The following FCSK variants were observed in gnomAD, a reference collection of about 807,000 sequenced individuals.
FCSK encodes the protein L-fucose kinase.
FCSK carries 123 observed loss-of-function variants against 122.5 expected under a neutral mutation model. That is an observed-to-expected ratio of 1.00 (90% CI 0.87 to 1.17). FCSK has a LOEUF of 1.17. Ranked by LOEUF, FCSK falls within the 50% of genes most tolerant of loss-of-function variation. The pLI, the probability that FCSK is intolerant of heterozygous loss-of-function variation, is 0.00. For missense variants in FCSK, 1,366 were observed against 1,450.4 expected, an observed-to-expected ratio of 0.94 and a Z score of 0.95; for synonymous variants, 620 against 625.5, an observed-to-expected ratio of 0.99 and a Z score of 0.13.
chr16:70,470,632 G>T (rs906966778), intron 11 of FCSK, among the ~76,000 whole-genome samples: 4 of 152,338 alleles, frequency 2.6e-5, no homozygotes, highest in African/African-American at 9.6e-5. Flanking sequence ...TCAGGATTCT[G>T]CATTGAGCTT....
intron 8 of FCSK, among the ~76,000 whole-genome samples, chr16:70,468,628 T>G (rs1348629224): frequency 1.3e-5 from 2 of 150,930 alleles, no homozygotes; most frequent in East Asian, 3.9e-4. Context: ...GAGAACTGGG[T>G]TCAGGAGAAG....
intron 1 of FCSK, among the ~76,000 whole-genome samples, chr16:70,456,010 C>A (rs2048084768): frequency 6.6e-6 from 1 of 151,752 alleles, no homozygotes; most frequent in South Asian, 2.1e-4. Context: ...AAGGGAGGCC[C>A]CATCTCAACA....
chr16:70,475,571 C>G lies in FCSK; in HGVS notation c.2522-77C>G, dbSNP rs1353439434. The G allele has an allele frequency of 6.3e-6, 10 of 1,584,984 alleles. No individual in the cohort carries two copies. The East Asian group carries it at 2.3e-4, about 36-fold the overall frequency. On this transcript the variant is annotated intron_variant, in intron 19 of 23. Coordinates refer to ENST00000288078, the MANE Select transcript of FCSK (RefSeq NM_145059.3). ...TGCCTGTGATCCCCCTTCCTGGCCT[C>G]TGCCCTTAGACGGAGTCAGGCAGGC...
At chr16:70,468,993 G>A in intron 9 of FCSK, 25 bp downstream of exon 9, 1 of 1,611,694 alleles carries the variant, frequency 6.2e-7, no homozygotes, top group Non-Finnish European at 8.5e-7. Flanking sequence ...GCAGCTAGGT[G>A]GGGCCTGGCT....
intron 1 of FCSK, chr16:70,458,006 T>A (rs776791801): frequency 7.2e-5 from 11 of 151,866 alleles, no homozygotes; most frequent in African/African-American, 1.4e-4. Context: ...TAGCGTCTCC[T>A]GGCCTCTGTG....
intron 15 of FCSK, 26 bp from the exon 16 acceptor site, chr16:70,474,103 G>A: frequency 1.3e-6 from 2 of 1,545,700 alleles, no homozygotes; most frequent in Non-Finnish European, 1.7e-6. Flanking sequence ...CTCCTCCCCT[G>A]CCACCCCCAA....
At position 70,473,474 on chromosome 16, in the gene FCSK, G is replaced by A. The variant is rs1333915262; in HGVS notation, c.1777+121G>A. 1 of 1,219,516 alleles carries A rather than the reference G, an allele frequency of 8.2e-7. No homozygotes were observed. Among genetic ancestry groups the A allele is most frequent in the East Asian group, 2.7e-5 (1 of 36,912 alleles). The allele number at this position is 1,219,516 out of a possible 1,614,324, so 75.5% of individuals were successfully genotyped here. ...AGGTGCTCAAGCAGGGAAGGGGCAT[G>A]CTGGAGTTTACTTTTAGGATTCTGG... On this transcript the variant is annotated intron_variant, in intron 15 of 23. Coordinates refer to ENST00000288078, the MANE Select transcript of FCSK (RefSeq NM_145059.3). This position sits in a 1 kb window ranked among gnomAD's most constrained non-coding sequence, Gnocchi z 4.9.
At position 70,478,319 on chromosome 16, in the gene FCSK, G is replaced by C. The variant is rs774089367; in HGVS notation, c.2689G>C (p.Val897Leu). 6.2e-7 allele frequency: 1 copy of C among 1,614,220 alleles called. No individual in the cohort carries two copies. The highest frequency in any genetic ancestry group is 1.1e-5 in the South Asian group (1 of 91,092). ...QVGGLMPGIK[V>L]GRSRAQLPLK... ...AGGTGGCCTAATGCCTGGCATCAAG[G>C]TGGGGCGCTCCCGGGCTCAGCTGCC... is the stretch of plus-strand genomic sequence containing the variant. Residue 897 changes from valine (V) to leucine (L), a missense_variant, in exon 21 of 24, where the codon GTG becomes CTG. Val to Leu is a conservative substitution (Grantham distance 32). Transcript: ENST00000288078.
chr16:70,465,437 T>C (rs1237451932), intron 4 of FCSK, among the ~76,000 whole-genome samples: 2 of 150,536 alleles, frequency 1.3e-5, no homozygotes, highest in Non-Finnish European at 3.0e-5. Flanking sequence ...GGCGGGAGGA[T>C]TGCTTGAGCC....
chr16:70,456,751 T>C (rs2048103293), intron 1 of FCSK, among the ~76,000 whole-genome samples: 1 of 152,210 alleles, frequency 6.6e-6, no homozygotes, highest in Non-Finnish European at 1.5e-5. Context: ...CTGGGCATGG[T>C]GGCTCACGCC....
chr16:70,471,178 C>T lies in FCSK; in HGVS notation c.1171-4C>T, dbSNP rs376530478. 1 of 1,600,388 alleles carries T rather than the reference C, an allele frequency of 6.2e-7. No individual in the cohort carries two copies. The highest frequency in any genetic ancestry group is 8.5e-7 in the Non-Finnish European group (1 of 1,171,874). On this transcript the variant is annotated splice_polypyrimidine_tract_variant and splice_region_variant and intron_variant, in intron 12 of 23. Transcript: ENST00000288078. Reference sequence around the variant, plus strand: ...CCCAGGATGCCTGCCCTGTCCCCCACCAGGGCCCCATTCACATAGGCGCTG... The same window carrying T: ...CCCAGGATGCCTGCCCTGTCCCCCATCAGGGCCCCATTCACATAGGCGCTG...
chr16:70,461,325 C>T (rs1475269881), intron 1 of FCSK, among the ~76,000 whole-genome samples: 1 of 151,958 alleles, frequency 6.6e-6, no homozygotes, highest in Non-Finnish European at 1.5e-5. Context: ...AATGGGGGTG[C>T]TGCTTTGTGG....
Position 70,468,705 on chromosome 16 carries a change from G to C in FCSK, c.664-144G>C. On this transcript the variant is annotated intron_variant, in intron 8 of 23. Coordinates refer to ENST00000288078, the MANE Select transcript of FCSK (RefSeq NM_145059.3). The stretch of plus-strand genomic sequence containing the variant: ...GCTACCCCAAGTAAGCCTGGAGTCT[G>C]GCTGCTGGAGTGGTCAGAAGGTGAC... 10 of 973,694 alleles carry C rather than the reference G, an allele frequency of 1.0e-5. No homozygotes were observed. In the South Asian group the frequency reaches 1.5e-4, roughly 15 times the overall value. The allele number at this position is 973,694 out of a possible 1,614,324, so 60.3% of individuals were successfully genotyped here.
chr16:70,477,681 A>G (rs1024469387), intron 20 of FCSK: 1 of 152,234 alleles, frequency 6.6e-6, no homozygotes, highest in Non-Finnish European at 1.5e-5. Flanking sequence ...TCTGACTAAA[A>G]CTCCCCTAGG....
At chr16:70,460,046 G>C (rs1322087022) in intron 1 of FCSK, among the ~76,000 whole-genome samples, 1 of 149,974 alleles carries the variant, frequency 6.7e-6, no homozygotes, top group Non-Finnish European at 1.5e-5. Flanking sequence ...AGGCAGTCCT[G>C]CCCCTGTCTC....
chr16:70,471,359 A>G lies in FCSK; in HGVS notation c.1341+7A>G. The G allele has an allele frequency of 6.4e-7, 1 of 1,565,300 alleles. No individual in the cohort carries two copies. The highest frequency in any genetic ancestry group is 8.7e-7 in the Non-Finnish European group (1 of 1,151,232). On this transcript the variant is annotated splice_region_variant and intron_variant, in intron 13 of 23. Transcript: ENST00000288078. ...CCGTCTGGACAGCTGGGAGGTAGGC[A>G]GTCACCCTGCATTCCCTCACCCCCA...
At chr16:70,462,161 T>C (rs2151703864) in intron 1 of FCSK, 1 of 152,332 alleles carries the variant, frequency 6.6e-6, no homozygotes, top group South Asian at 2.1e-4. Flanking sequence ...TTTTGTTTTG[T>C]TTTGTTTTGA....
chr16:70,459,314 A>G (rs1310773070), intron 1 of FCSK, among the ~76,000 whole-genome samples: 2 of 152,068 alleles, frequency 1.3e-5, no homozygotes, highest in African/African-American at 4.8e-5. Context: ...AGGCAGGTGG[A>G]TCACCTGAGG....
At chr16:70,467,207 A>G in intron 6 of FCSK, 167 bp from the exon 7 acceptor site, 1 of 625,852 alleles carries the variant, frequency 1.6e-6, no homozygotes, top group African/African-American at 1.8e-5. Context: ...ACTTTGGGAG[A>G]GGAGGGTTGT....
Sources: allele counts gnomAD v4.1 joint callset (sites outside exome capture counted in the v4.1 genomes callset), GRCh38; gene constraint gnomAD v4.1.1; non-coding constraint Gnocchi (gnomAD v3.1); transcripts MANE v1.5; gene names NCBI Gene and HGNC (gene_info 2026-07-23, HGNC 2026-07-21).